Variants in DYM observed in about 807,000 individuals in gnomAD.
DYM encodes dyggve-Melchior-Clausen syndrome protein.
A neutral mutation model predicts 93.1 loss-of-function variants in DYM; 78 were observed. The ratio of observed to expected loss-of-function variants is 0.84; its 90% CI spans 0.70 to 1.01. DYM has a LOEUF of 1.01. Among genes scored for constraint, DYM ranks in the 50% least tolerant of loss-of-function variants. The pLI, the probability that DYM is intolerant of heterozygous loss-of-function variation, is 0.00. For synonymous variants in DYM, 321 were observed against 319.7 expected (o/e 1.00, Z -0.04); for missense variants, 789 against 845.0 (o/e 0.93, Z 0.82).
chr18:49,375,236 ACC>A (rs2067391857), intron 5 of DYM, among the ~76,000 whole-genome samples: 1 of 142,896 alleles, frequency 7.0e-6, no homozygotes, highest in African/African-American at 2.9e-5. Flanking sequence ...ACACATCTAT[ACC>A]TACCTTGGGC....
chr18:49,160,910 C>G (rs995046299), intron 15 of DYM, among the ~76,000 whole-genome samples: 2 of 152,136 alleles, frequency 1.3e-5, no homozygotes, highest in Non-Finnish European at 2.9e-5. Context: ...AAGGTTACTG[C>G]TGTTTGTTTA....
At chr18:49,288,573 G>A (rs916708186) in intron 8 of DYM, among the ~76,000 whole-genome samples, 18 of 152,092 alleles carry the variant, frequency 1.2e-4, no homozygotes, top group East Asian at 3.8e-4. Flanking sequence ...GAGGTCAGGA[G>A]TTCGAGACCA....
In DYM at chr18:49,414,954, T is replaced by C. The variant is rs935397076; in HGVS notation, c.140+15301A>G. On this transcript the variant is annotated intron_variant, in intron 2 of 17. Transcript: ENST00000675505. ...TCCCTAGCAACTAGAAGACATTCCA[T>C]AACTATTTTTTTAGGTATATTAATC... Among the ~76,000 whole-genome samples the C allele has an allele frequency of 5.3e-5, 8 of 152,314 alleles. No individual in the cohort carries two copies. In the South Asian group the frequency reaches 1.5e-3, roughly 28 times the overall value.
At chr18:49,204,064 G>A (rs2092338721) in intron 14 of DYM, among the ~76,000 whole-genome samples, 1 of 151,890 alleles carries the variant, frequency 6.6e-6, no homozygotes, top group Non-Finnish European at 1.5e-5. Flanking sequence ...TCAGGTCCAT[G>A]TAAGCCTAAA....
intron 14 of DYM, among the ~76,000 whole-genome samples, chr18:49,178,438 A>C (rs1230036244): frequency 6.6e-6 from 1 of 152,130 alleles, no homozygotes; most frequent in Admixed American, 6.5e-5. Context: ...CAAACTCCTA[A>C]AAGTCTGCAA....
intron 7 of DYM, 139 bp downstream of exon 7, chr18:49,333,589 A>G: frequency 1.1e-6 from 1 of 920,700 alleles, no homozygotes; most frequent in Non-Finnish European, 1.7e-6. Flanking sequence ...TTCCCTATGC[A>G]CTGGGTTTAA....
intron 13 of DYM, among the ~76,000 whole-genome samples, chr18:49,214,159 TC>T (rs1483189546): frequency 6.6e-6 from 1 of 152,080 alleles, no homozygotes; most frequent in African/African-American, 2.4e-5. Flanking sequence ...AGGGTTCCCA[TC>T]CCCCATTCTG....
Position 49,316,242 on chromosome 18 carries a change from A to G in DYM, c.763+15622T>C, listed in dbSNP as rs192112669. On this transcript the variant is annotated intron_variant, in intron 8 of 17. Coordinates refer to ENST00000675505, the MANE Select transcript of DYM (RefSeq NM_001353214.3). ...GGTTGCAGTGAGCCAAGATCGCGCC[A>G]TTATACTCCAGGCTGGGTGACAGAG... Among the ~76,000 whole-genome samples, 387 of 152,328 alleles carry G rather than the reference A, an allele frequency of 2.5e-3. 2 individuals carry two copies. The highest frequency in any genetic ancestry group is 8.8e-3 in the African/African-American group (365 of 41,574).
At chr18:49,322,921 A>G (rs2062598362) in intron 8 of DYM, among the ~76,000 whole-genome samples, 1 of 152,202 alleles carries the variant, frequency 6.6e-6, no homozygotes, top group African/African-American at 2.4e-5. Flanking sequence ...AAGTTATTGA[A>G]AGGTTAATAG....
intron 17 of DYM, among the ~76,000 whole-genome samples, chr18:49,087,256 T>C (rs2078628693): frequency 6.6e-6 from 1 of 152,210 alleles, no homozygotes; most frequent in Non-Finnish European, 1.5e-5. Context: ...TGGGCAAGAT[T>C]TATTTTGCTA....
chr18:49,108,728 CA>C (rs1385745462), intron 16 of DYM, among the ~76,000 whole-genome samples: 1 of 152,156 alleles, frequency 6.6e-6, no homozygotes. Context: ...GTGAACTCAT[CA>C]AGTTGGTGGT....
At chr18:49,063,307 CTT>C (rs200482925) in intron 17 of DYM, among the ~76,000 whole-genome samples, 3,803 of 135,414 alleles carry the variant, frequency 0.028, 145 homozygotes, top group African/African-American at 0.091. Flanking sequence ...GATTTCTTTT[CTT>C]TTTTTTTTTT....
chr18:49,342,787 C>G (rs1307373189), intron 6 of DYM, among the ~76,000 whole-genome samples: 2 of 152,152 alleles, frequency 1.3e-5, no homozygotes, highest in African/African-American at 2.4e-5. Flanking sequence ...GTATTTAGTG[C>G]AGTAACATGC....
chr18:49,216,477 C>T (rs150650636), intron 13 of DYM, among the ~76,000 whole-genome samples: 2,098 of 152,302 alleles, frequency 0.014, 46 homozygotes, highest in African/African-American at 0.048. Context: ...CCCTGACCCC[C>T]GAGCAGCCTA....
intron 10 of DYM, among the ~76,000 whole-genome samples, chr18:49,280,373 C>G (rs957681123): frequency 1.3e-5 from 2 of 152,154 alleles, no homozygotes; most frequent in African/African-American, 4.8e-5. Context: ...CTAAGCCTGC[C>G]AGAGTGGGTG....
At chr18:49,225,521 A>C (rs925143940) in intron 13 of DYM, among the ~76,000 whole-genome samples, 1 of 152,134 alleles carries the variant, frequency 6.6e-6, no homozygotes, top group Non-Finnish European at 1.5e-5. Flanking sequence ...CCACTGCCAG[A>C]TTTATAAAAT....
intron 8 of DYM, among the ~76,000 whole-genome samples, chr18:49,313,179 C>T (rs745948961): frequency 1.4e-4 from 21 of 151,968 alleles, no homozygotes; most frequent in Non-Finnish European, 2.2e-4. Context: ...AAACAGGTTG[C>T]AGTAGGCCGG....
intron 8 of DYM, among the ~76,000 whole-genome samples, chr18:49,311,482 G>A (rs113520721): frequency 0.01 from 1,526 of 152,220 alleles, 42 homozygotes; most frequent in South Asian, 0.076. Flanking sequence ...CAACCTAAAT[G>A]TCCATCAATG....
At chr18:49,460,258 G>T (rs910501829) in intron 1 of DYM, 140 bp downstream of exon 1, 7 of 152,094 alleles carry the variant, frequency 4.6e-5, no homozygotes, top group African/African-American at 1.4e-4. Context: ...CCGCGGGCAG[G>T]GAAGGGAGGG....
Sources: allele counts gnomAD v4.1 joint callset (sites outside exome capture counted in the v4.1 genomes callset), GRCh38; gene constraint gnomAD v4.1.1; transcripts MANE v1.5; gene names NCBI Gene and HGNC (gene_info 2026-07-23, HGNC 2026-07-21).